Variants in RARS2 observed in about 807,000 individuals in gnomAD.
RARS2 encodes arginyl-tRNA synthetase 2, mitochondrial, also known as probable arginine--tRNA ligase, mitochondrial.
In RARS2, 67 loss-of-function variants were observed where a neutral mutation model predicts 88.5. The ratio of observed to expected loss-of-function variants is 0.76; its 90% CI spans 0.62 to 0.93. The LOEUF (loss-of-function observed/expected upper bound fraction) is 0.93, where lower values mean the gene tolerates loss of function less well. RARS2 is among the 40% of genes least tolerant of loss of function. The pLI is 0.00. For missense variants in RARS2, 664 were observed against 684.2 expected (o/e 0.97, Z 0.33); for synonymous variants, 239 against 230.3 (o/e 1.04, Z -0.34).
chr6:87,578,436 C>T (rs762890370), intron 1 of RARS2, among the ~76,000 whole-genome samples: 13 of 152,032 alleles, frequency 8.6e-5, no homozygotes, highest in Non-Finnish European at 4.4e-5. Context: ...TTTTGTATTG[C>T]TTAATTATTT....
At chr6:87,584,673 G>T in intron 1 of RARS2, 2 of 464,866 alleles carry the variant, frequency 4.3e-6, no homozygotes, top group Non-Finnish European at 4.3e-6. Flanking sequence ...AAAGACTGAG[G>T]ATGCTGAGAG....
At chr6:87,556,560 G>A (rs943668943) in intron 4 of RARS2, among the ~76,000 whole-genome samples, 1 of 151,962 alleles carries the variant, frequency 6.6e-6, no homozygotes, top group African/African-American at 2.4e-5. Flanking sequence ...GCTGAGGCAG[G>A]TGGATCACGA....
intron 18 of RARS2, 70 bp from the exon 19 acceptor site, chr6:87,515,090 T>C (rs1372574039): frequency 2.5e-6 from 3 of 1,181,960 alleles, no homozygotes; most frequent in Non-Finnish European, 2.5e-6. Context: ...GAGCTTGATA[T>C]CTAATCTTAC....
At chr6:87,567,209 G>T (rs1451830060) in intron 2 of RARS2, among the ~76,000 whole-genome samples, 1 of 152,168 alleles carries the variant, frequency 6.6e-6, no homozygotes, top group Admixed American at 6.5e-5. Flanking sequence ...CCAAGATTGT[G>T]CCACTGCACT....
At chr6:87,567,714 T>C (rs1172397100) in intron 2 of RARS2, among the ~76,000 whole-genome samples, 3 of 152,240 alleles carry the variant, frequency 2.0e-5, no homozygotes, top group Non-Finnish European at 2.9e-5. Flanking sequence ...AAACTTAATA[T>C]GAAGAATTTC....
rs774236518 is a variant in RARS2 at position 87,516,824 on chromosome 6, C to T, written c.1568G>A (p.Ser523Asn). Reference protein sequence around the residue: ...SQDFQPRHIVSYLLTLSHLAA... With the variant: ...SQDFQPRHIVNYLLTLSHLAA... ...AAAGTACCTTAAAGTTAGAAGGTAACTGACGATATGCCTGGGTTGAAAGTC... is the reference window on the plus strand; with the variant it reads ...AAAGTACCTTAAAGTTAGAAGGTAATTGACGATATGCCTGGGTTGAAAGTC... The change falls in exon 18 of 20, where the codon AGT (serine) becomes AAT (asparagine). Residue 523 changes from serine to asparagine, a missense_variant. Transcript: ENST00000369536. 2.5e-6 allele frequency: 4 copies of T among 1,613,776 alleles called. No individual in the cohort carries two copies. The highest frequency in any genetic ancestry group is 3.4e-6 in the Non-Finnish European group (4 of 1,179,830).
intron 1 of RARS2, among the ~76,000 whole-genome samples, chr6:87,584,543 C>T (rs1356466249): frequency 6.6e-6 from 1 of 152,164 alleles, no homozygotes. Context: ...GGAATCAAAA[C>T]CATCATCTTA....
At chr6:87,551,049 C>CA (rs962888732) in intron 5 of RARS2, among the ~76,000 whole-genome samples, 13 of 150,964 alleles carry the variant, frequency 8.6e-5, no homozygotes, top group South Asian at 2.1e-4. Flanking sequence ...AAAACAAAAA[C>CA]AAAAAAAAAC....
rs578023293 is a variant in RARS2 at position 87,541,327 on chromosome 6, C to T, written c.612+591G>A. On this transcript the variant is annotated intron_variant, in intron 8 of 19. Coordinates refer to ENST00000369536, the MANE Select transcript of RARS2 (RefSeq NM_020320.5). ...CAGTAACTAGGACTACAGGCACAGG[C>T]CACTGTGCCTGGCTAATATTTTATT... Among the ~76,000 whole-genome samples the T allele has an allele frequency of 3.8e-3, 580 of 152,180 alleles. 8 individuals are homozygous for T. The highest frequency in any genetic ancestry group is 0.014 in the African/African-American group (565 of 41,528).
chr6:87,568,971 T>G (rs565162620), intron 2 of RARS2, among the ~76,000 whole-genome samples: 2 of 152,302 alleles, frequency 1.3e-5, no homozygotes, highest in Non-Finnish European at 2.9e-5. Context: ...TCATTTAGGA[T>G]GACCAAACTC....
intron 1 of RARS2, among the ~76,000 whole-genome samples, chr6:87,575,072 T>TAC (rs1554218642): frequency 6.6e-6 from 1 of 151,514 alleles, no homozygotes; most frequent in Non-Finnish European, 1.5e-5. Flanking sequence ...GTCATAAGGA[T>TAC]AGAGACAAAA....
rs765829315 is a variant in RARS2, at chr6:87,548,637, A to G, written c.405T>C (p.Asn135=). 6.2e-7 allele frequency: 1 copy of G among 1,612,996 alleles called. No individual in the cohort carries two copies. Among genetic ancestry groups the G allele is most frequent in the African/African-American group, 1.3e-5 (1 of 75,032 alleles). Residue 135 remains asparagine (N), a synonymous_variant, in exon 6 of 20, where the codon AAT becomes AAC. Coordinates refer to ENST00000369536, the MANE Select transcript of RARS2 (RefSeq NM_020320.5). ...KKIVVEFSSP[N]VAKKFHVGHL... ...GTCCAACATGAAATTTTTTGGCAACATTAGGTGAACTGCAAAAAAAATGGG... is the reference window on the plus strand; with the variant it reads ...GTCCAACATGAAATTTTTTGGCAACGTTAGGTGAACTGCAAAAAAAATGGG...
chr6:87,575,225 G>GCACGCACACA (rs1554218762), intron 1 of RARS2, among the ~76,000 whole-genome samples: 1 of 114,562 alleles, frequency 8.7e-6, no homozygotes, highest in Non-Finnish European at 1.8e-5. Context: ...AAAATAGAAA[G>GCACGCACACA]CACACACACA....
chr6:87,543,652 A>T (rs929880208), intron 7 of RARS2, among the ~76,000 whole-genome samples: 22 of 152,180 alleles, frequency 1.4e-4, no homozygotes, highest in Admixed American at 3.3e-4. Context: ...GAAAGAAAAA[A>T]AAAAAACAAT....
At chr6:87,566,569 C>T (rs13200106) in intron 2 of RARS2, among the ~76,000 whole-genome samples, 3 of 152,042 alleles carry the variant, frequency 2.0e-5, no homozygotes, top group Admixed American at 2.0e-4. Context: ...TGAGGAGAGC[C>T]CAACACAGTG....
intron 8 of RARS2, among the ~76,000 whole-genome samples, chr6:87,538,308 G>C (rs1018416533): frequency 6.6e-6 from 1 of 152,122 alleles, no homozygotes; most frequent in Non-Finnish European, 1.5e-5. Context: ...TTCGGCAAAA[G>C]AACACTAATG....
At chr6:87,520,403 C>T in intron 12 of RARS2, 147 bp from the exon 13 acceptor site, 1 of 672,370 alleles carries the variant, frequency 1.5e-6, no homozygotes. Context: ...AAGAGGATGC[C>T]ACAAGAAGAG....
chr6:87,537,558 A>T (rs552535650), intron 8 of RARS2, among the ~76,000 whole-genome samples: 1 of 152,228 alleles, frequency 6.6e-6, no homozygotes, highest in African/African-American at 2.4e-5. Context: ...AAAAGGGGGC[A>T]AAAGAGAACT....
intron 6 of RARS2, among the ~76,000 whole-genome samples, chr6:87,547,583 C>T (rs1332202995): frequency 6.6e-6 from 1 of 151,960 alleles, no homozygotes; most frequent in Non-Finnish European, 1.5e-5. Flanking sequence ...ATATTATACA[C>T]TGAAGCATTA....
Sources: gnomAD v4.1 joint callset for allele counts (sites outside exome capture counted in the v4.1 genomes callset) on GRCh38, gnomAD v4.1.1 for gene constraint, MANE v1.5 for transcripts, NCBI Gene and HGNC (gene_info 2026-07-23, HGNC 2026-07-21) for gene names.